Variants in EFCAB5 observed in about 807,000 individuals in gnomAD.
EFCAB5 encodes the protein EF-hand calcium binding domain 5, also known as EF-hand calcium-binding domain-containing protein 5.
Under a neutral mutation model 167.9 loss-of-function variants are expected in EFCAB5, and 131 were observed. The observed-to-expected ratio is 0.78, with a 90% CI of 0.68 to 0.90. EFCAB5 has a LOEUF of 0.90. Ranked by LOEUF, EFCAB5 falls within the 40% of genes least tolerant of loss-of-function variation. The pLI is 0.00. For synonymous variants in EFCAB5, 574 were observed against 602.8 expected (o/e 0.95, Z 0.70); for missense variants, 1,663 against 1,745.2 (o/e 0.95, Z 0.84).
At chr17:30,069,538 G>A in intron 14 of EFCAB5, 1 of 1,612,464 alleles carries the variant, frequency 6.2e-7, no homozygotes, top group Non-Finnish European at 8.5e-7. Context: ...ACATAAGAGA[G>A]GCCATTAAAA....
upstream of EFCAB5, among the ~76,000 whole-genome samples, chr17:29,937,662 A>C (rs2067256884): frequency 6.6e-6 from 1 of 152,196 alleles, no homozygotes; most frequent in South Asian, 2.1e-4. Context: ...TCCTTATTCC[A>C]GAGTCAGAGA....
chr17:29,994,645 T>A (rs1026512787), intron 5 of EFCAB5, among the ~76,000 whole-genome samples: 2 of 152,222 alleles, frequency 1.3e-5, no homozygotes, highest in Non-Finnish European at 2.9e-5. Context: ...GCGCCATGGC[T>A]CAGGCCTGTA....
intron 18 of EFCAB5, among the ~76,000 whole-genome samples, chr17:30,084,579 C>T (rs1045466088): frequency 2.0e-5 from 3 of 152,086 alleles, no homozygotes; most frequent in Admixed American, 1.3e-4. Context: ...ACCCAGCAGT[C>T]GGGTTGTGAG....
chr17:30,090,354 G>T, intron 19 of EFCAB5, 67 bp from the exon 20 acceptor site: 4 of 1,559,390 alleles, frequency 2.6e-6, no homozygotes, highest in Non-Finnish European at 3.5e-6. Context: ...AATTCAATAT[G>T]TTTTGGTGGA....
chr17:30,081,006 C>A, intron 17 of EFCAB5, 25 bp downstream of exon 17: 1 of 1,571,302 alleles, frequency 6.4e-7, no homozygotes, highest in Non-Finnish European at 8.7e-7. Flanking sequence ...TCTTCAAGAG[C>A]GATGGTAGGA....
At chr17:29,939,413 A>C (rs1469349952), upstream of EFCAB5, among the ~76,000 whole-genome samples, 2 of 152,224 alleles carry the variant, frequency 1.3e-5, no homozygotes, top group African/African-American at 4.8e-5. Flanking sequence ...CACCAGCTGC[A>C]TTAGCCCCAA....
chr17:30,076,816 A>G (rs2070876945), intron 14 of EFCAB5, among the ~76,000 whole-genome samples: 1 of 152,270 alleles, frequency 6.6e-6, no homozygotes, highest in Admixed American at 6.5e-5. Flanking sequence ...CACTGACTGT[A>G]GAATAAATCA....
intron 4 of EFCAB5, among the ~76,000 whole-genome samples, chr17:29,978,010 C>G (rs930356670): frequency 4.6e-5 from 7 of 152,100 alleles, no homozygotes; most frequent in Admixed American, 3.3e-4. Flanking sequence ...TCTTACTCAT[C>G]CTTACAAGAT....
chr17:30,002,798 T>C (rs1345332462), intron 7 of EFCAB5, among the ~76,000 whole-genome samples: 1 of 152,200 alleles, frequency 6.6e-6, no homozygotes, highest in African/African-American at 2.4e-5. Flanking sequence ...AGAATGTCTT[T>C]ATTTTCCCTT....
At chr17:30,016,438 G>C (rs537496513) in intron 7 of EFCAB5, among the ~76,000 whole-genome samples, 1 of 152,194 alleles carries the variant, frequency 6.6e-6, no homozygotes, top group South Asian at 2.1e-4. Flanking sequence ...ATGGTGTGAG[G>C]TAGTAAAACT....
chr17:30,089,114 C>T (rs1281278715), intron 19 of EFCAB5, among the ~76,000 whole-genome samples: 3 of 152,100 alleles, frequency 2.0e-5, no homozygotes, highest in Admixed American at 6.6e-5. Flanking sequence ...CGACAGGCCC[C>T]GGTGTGTGAT....
chr17:30,051,108 C>G lies in EFCAB5; in HGVS notation c.1201-10C>G. 6.2e-7 allele frequency: 1 copy of G among 1,612,638 alleles called. No individual in the cohort carries two copies. The highest frequency in any genetic ancestry group is 8.5e-7 in the Non-Finnish European group (1 of 1,179,004). On this transcript the variant is annotated splice_polypyrimidine_tract_variant and intron_variant, in intron 8 of 22. Coordinates refer to ENST00000394835, the MANE Select transcript of EFCAB5 (RefSeq NM_198529.4). ...GTAACAACTAATCACAAACTTTCTT[C>G]TTTGCTTAGGTAGGGTTTTTGGATC...
intron 7 of EFCAB5, among the ~76,000 whole-genome samples, chr17:30,020,125 C>G (rs1597678918): frequency 1.3e-5 from 2 of 152,006 alleles, no homozygotes. Flanking sequence ...TTTTTAAGGC[C>G]AAATTATATT....
In EFCAB5 at chr17:30,082,871, T is replaced by G. The variant is rs771852178; in HGVS notation, c.3427-20T>G. The G allele has an allele frequency of 1.9e-6, 3 of 1,592,880 alleles. No individual in the cohort carries two copies. The South Asian group carries it at 3.4e-5, about 18-fold the overall frequency. On this transcript the variant is annotated intron_variant, in intron 17 of 22. Transcript: ENST00000394835. Reference sequence around the variant, plus strand: ...TCTATTTTAAAAAGAATAGGCTATTTGAATTTTCTGTCTCTACAGGGTGTT... The same window carrying G: ...TCTATTTTAAAAAGAATAGGCTATTGGAATTTTCTGTCTCTACAGGGTGTT...
intron 4 of EFCAB5, among the ~76,000 whole-genome samples, chr17:29,978,108 A>G (rs2151600667): frequency 6.6e-6 from 1 of 152,290 alleles, no homozygotes; most frequent in Non-Finnish European, 1.5e-5. Context: ...GGCTTCCTAG[A>G]CAGCTGTCTG....
intron 7 of EFCAB5, among the ~76,000 whole-genome samples, chr17:30,010,120 T>C (rs1353259119): frequency 1.3e-5 from 2 of 152,222 alleles, no homozygotes; most frequent in African/African-American, 4.8e-5. Context: ...TCCATGTCCC[T>C]ACAAAGGACA....
chr17:30,044,915 C>T (rs1406116102), intron 8 of EFCAB5, among the ~76,000 whole-genome samples: 1 of 152,108 alleles, frequency 6.6e-6, no homozygotes, highest in Non-Finnish European at 1.5e-5. Flanking sequence ...TGTCCATCGA[C>T]TTGTGGATGA....
intron 13 of EFCAB5, chr17:30,059,094 T>C (rs2070353910): frequency 6.6e-6 from 1 of 152,164 alleles, no homozygotes; most frequent in Admixed American, 6.5e-5. Flanking sequence ...GTATACCAAC[T>C]TTAGTGACAC....
chr17:29,950,339 C>T (rs1225585681), intron 3 of EFCAB5, among the ~76,000 whole-genome samples: 1 of 151,228 alleles, frequency 6.6e-6, no homozygotes, highest in African/African-American at 2.4e-5. Context: ...CTCCCTCCTT[C>T]CTTCCTCCTC....
Sources: gnomAD v4.1 joint callset for allele counts (sites outside exome capture counted in the v4.1 genomes callset) on GRCh38, gnomAD v4.1.1 for gene constraint, MANE v1.5 for transcripts, NCBI Gene and HGNC (gene_info 2026-07-23, HGNC 2026-07-21) for gene names.